DYM: variants seen among roughly 807,000 people sequenced by gnomAD.
DYM encodes dymeclin.
Under a neutral mutation model 93.1 loss-of-function variants are expected in DYM, and 78 were observed. The observed-to-expected ratio is 0.84, with a 90% confidence interval of 0.70 to 1.01. The LOEUF (loss-of-function observed/expected upper bound fraction) is 1.01. DYM is among the 50% of genes least tolerant of loss of function. The probability of loss-of-function intolerance (pLI) is 0.00; values close to 1 mark genes in which losing one functional copy is unlikely to be tolerated. For synonymous variants in DYM, 321 were observed against 319.7 expected, an observed-to-expected ratio of 1.00 and a Z score of -0.04; for missense variants, 789 against 845.0, an observed-to-expected ratio of 0.93 and a Z score of 0.82.
chr18:49,345,805 T>A (rs576557619), intron 6 of DYM, among the ~76,000 whole-genome samples: 48 of 152,002 alleles, frequency 3.2e-4, no homozygotes, highest in Non-Finnish European at 5.7e-4. Context: ...ACAGGCAAAC[T>A]GAAAAAAATA....
intron 8 of DYM, chr18:49,329,436 A>T (rs1303813921): frequency 6.6e-6 from 1 of 152,238 alleles, no homozygotes; most frequent in Non-Finnish European, 1.5e-5. Flanking sequence ...TATAATTTAA[A>T]AAAAGAAGAA....
Position 49,256,461 on chromosome 18 carries a change from A to G in DYM, c.1460+549T>C, listed in dbSNP as rs368710018. 2.6e-5 allele frequency among the ~76,000 whole-genome samples: 4 copies of G among 152,198 alleles called. No homozygotes were observed. In the East Asian group the frequency reaches 7.7e-4, roughly 29 times the overall value. On this transcript the variant is annotated intron_variant, in intron 13 of 17. Coordinates refer to ENST00000675505, the MANE Select transcript of DYM (RefSeq NM_001353214.3). Reference sequence around the variant, plus strand: ...ACACCTAGAAGAGGCATGGAAACAGATTCTCCTTTACAGCCTCCAGACAGA... The same window carrying G: ...ACACCTAGAAGAGGCATGGAAACAGGTTCTCCTTTACAGCCTCCAGACAGA...
intron 1 of DYM, among the ~76,000 whole-genome samples, chr18:49,453,820 AAAG>A (rs2082739354): frequency 6.6e-6 from 1 of 152,196 alleles, no homozygotes; most frequent in Admixed American, 6.5e-5. Context: ...CTGGCTATGC[AAAG>A]AAGGTTATAA....
chr18:49,173,381 G>C (rs766455400), intron 14 of DYM, among the ~76,000 whole-genome samples: 1 of 152,052 alleles, frequency 6.6e-6, no homozygotes, highest in Non-Finnish European at 1.5e-5. Context: ...TCAACGTATA[G>C]ATCAATTTCA....
At chr18:49,315,049 T>C (rs1050691890) in intron 8 of DYM, among the ~76,000 whole-genome samples, 16 of 152,220 alleles carry the variant, frequency 1.1e-4, no homozygotes, top group African/African-American at 3.6e-4. Flanking sequence ...ACCCAGTCTC[T>C]ACAACAGATA....
At chr18:49,081,473 CGGCATCAGA>C (rs2078007889) in intron 17 of DYM, among the ~76,000 whole-genome samples, 1 of 145,460 alleles carries the variant, frequency 6.9e-6, no homozygotes, top group African/African-American at 2.6e-5. Context: ...AGCTTTGGCT[CGGCATCAGA>C]GGGAGACCGT....
At chr18:49,094,489 C>T (rs551637506) in intron 17 of DYM, among the ~76,000 whole-genome samples, 4 of 152,054 alleles carry the variant, frequency 2.6e-5, no homozygotes, top group Admixed American at 6.5e-5. Flanking sequence ...CAGGAGGCTC[C>T]GGAAAAAATA....
rs1338597034 is a variant in DYM at position 49,122,578 on chromosome 18, C to T, written c.1729-3652G>A. 3.3e-5 allele frequency among the ~76,000 whole-genome samples: 5 copies of T among 152,094 alleles called. No individual in the cohort carries two copies. In the South Asian group the frequency reaches 8.3e-4, roughly 25 times the overall value. On this transcript the variant is annotated intron_variant, in intron 15 of 17. Coordinates refer to ENST00000675505, the MANE Select transcript of DYM (RefSeq NM_001353214.3). ...AGATTAACAAGCTCAGTGCTCCCCT[C>T]GTTTCTACATTATAGTGAGTTGTAT...
chr18:49,240,892 C>A (rs373202947), intron 13 of DYM, among the ~76,000 whole-genome samples: 1 of 152,194 alleles, frequency 6.6e-6, no homozygotes, highest in African/African-American at 2.4e-5. Context: ...AACAACTAAT[C>A]ATTTTTACTA....
intron 1 of DYM, among the ~76,000 whole-genome samples, chr18:49,452,244 G>A (rs544674954): frequency 2.6e-5 from 4 of 152,276 alleles, no homozygotes; most frequent in South Asian, 4.1e-4. Flanking sequence ...GCAGACCTTC[G>A]CGGTGAGTGT....
intron 11 of DYM, among the ~76,000 whole-genome samples, chr18:49,263,794 G>A (rs1288390131): frequency 6.6e-6 from 1 of 152,154 alleles, no homozygotes; most frequent in Non-Finnish European, 1.5e-5. Flanking sequence ...GAGCAGCAGT[G>A]TCCAACACAG....
chr18:49,315,906 T>C (rs2061902305), intron 8 of DYM, among the ~76,000 whole-genome samples: 1 of 152,144 alleles, frequency 6.6e-6, no homozygotes, highest in South Asian at 2.1e-4. Flanking sequence ...ACAAGTGTTT[T>C]CTTTTAGAAA....
At chr18:49,318,204 A>G (rs980037369) in intron 8 of DYM, among the ~76,000 whole-genome samples, 3 of 152,236 alleles carry the variant, frequency 2.0e-5, no homozygotes, top group African/African-American at 7.2e-5. Flanking sequence ...CAGGATACAC[A>G]GAAGCAAACT....
At chr18:49,227,955 G>C (rs1372051832) in intron 13 of DYM, among the ~76,000 whole-genome samples, 2 of 152,086 alleles carry the variant, frequency 1.3e-5, no homozygotes, top group East Asian at 3.9e-4. Context: ...GGCCCTCCCC[G>C]ATTGCTACAT....
intron 17 of DYM, among the ~76,000 whole-genome samples, chr18:49,064,034 A>G (rs1324950778): frequency 2.0e-5 from 3 of 152,324 alleles, no homozygotes; most frequent in Admixed American, 2.0e-4. Flanking sequence ...ATGCAAAAAC[A>G]ATGAAAATAA....
chr18:49,077,519 CTT>C (rs1300040865), intron 17 of DYM, among the ~76,000 whole-genome samples: 2 of 152,172 alleles, frequency 1.3e-5, no homozygotes, highest in South Asian at 4.1e-4. Context: ...AGTTGATAGT[CTT>C]TTTCAGATTT....
At chr18:49,145,814 G>A (rs568708216) in intron 15 of DYM, among the ~76,000 whole-genome samples, 50 of 152,092 alleles carry the variant, frequency 3.3e-4, no homozygotes, top group Non-Finnish European at 5.6e-4. Flanking sequence ...TTATATATAT[G>A]TCTATGTATT....
chr18:49,352,828 T>C (rs967062231), intron 6 of DYM, among the ~76,000 whole-genome samples: 2 of 152,112 alleles, frequency 1.3e-5, no homozygotes, highest in African/African-American at 2.4e-5. Context: ...TATCTAGTGA[T>C]TTACTTTATT....
chr18:49,222,669 G>T (rs1286500524), intron 13 of DYM, among the ~76,000 whole-genome samples: 1 of 152,044 alleles, frequency 6.6e-6, no homozygotes. Flanking sequence ...AAATGAAAAT[G>T]TATCAATTAC....
Sources: allele counts gnomAD v4.1 joint callset (sites outside exome capture counted in the v4.1 genomes callset), GRCh38; gene constraint gnomAD v4.1.1; transcripts MANE v1.5; gene names NCBI Gene and HGNC (gene_info 2026-07-23, HGNC 2026-07-21).